DENND1A: variants seen among roughly 807,000 people sequenced by gnomAD.
DENND1A encodes DENN domain containing 1A.
DENND1A carries 51 observed loss-of-function variants against 113.7 expected under a neutral mutation model. The observed-to-expected ratio is 0.45, with a 90% confidence interval of 0.36 to 0.57. The LOEUF (loss-of-function observed/expected upper bound fraction) is 0.57, where lower values mean the gene tolerates loss of function less well. Ranked by LOEUF, DENND1A falls within the 20% of genes least tolerant of loss-of-function variation. The pLI is 0.00. For synonymous variants in DENND1A, 565 were observed against 570.8 expected (o/e 0.99, Z 0.14); for missense variants, 1,258 against 1,395.9 (o/e 0.90, Z 1.57).
chr9:123,458,800 G>A (rs552551569), intron 13 of DENND1A, among the ~76,000 whole-genome samples: 1 of 152,114 alleles, frequency 6.6e-6, no homozygotes, highest in African/African-American at 2.4e-5. Flanking sequence ...CGTCTCTACT[G>A]AAAATACAAA....
chr9:123,456,308 G>T (rs754291740), intron 15 of DENND1A, among the ~76,000 whole-genome samples: 1 of 152,174 alleles, frequency 6.6e-6, no homozygotes, highest in East Asian at 1.9e-4. Context: ...CCAGCAGCAT[G>T]GGTATTATTT....
At chr9:123,877,550 A>G (rs1181232404) in intron 2 of DENND1A, among the ~76,000 whole-genome samples, 2 of 151,636 alleles carry the variant, frequency 1.3e-5, no homozygotes, top group Admixed American at 6.6e-5. Context: ...CAGGCCGGGC[A>G]TGGTGGCTCA....
chr9:123,550,476 T>A (rs1485974562), intron 13 of DENND1A, among the ~76,000 whole-genome samples: 1 of 152,118 alleles, frequency 6.6e-6, no homozygotes, highest in Non-Finnish European at 1.5e-5. Flanking sequence ...TACCCATGGG[T>A]TTTGCTCTTT....
At chr9:123,589,662 A>C (rs918796487) in intron 11 of DENND1A, among the ~76,000 whole-genome samples, 13 of 151,494 alleles carry the variant, frequency 8.6e-5, no homozygotes, top group East Asian at 1.9e-4. Flanking sequence ...AAAAAAAAAA[A>C]AAAAAAAAAA....
At chr9:123,731,135 T>G (rs1236794247) in intron 5 of DENND1A, among the ~76,000 whole-genome samples, 1 of 152,104 alleles carries the variant, frequency 6.6e-6, no homozygotes, top group Non-Finnish European at 1.5e-5. Context: ...AGGAATAGCA[T>G]TAGGAGAAAT....
intron 5 of DENND1A, among the ~76,000 whole-genome samples, chr9:123,747,935 T>G (rs1441042439): frequency 1.3e-5 from 2 of 152,108 alleles, no homozygotes; most frequent in Non-Finnish European, 2.9e-5. Flanking sequence ...TTCTTCATTG[T>G]CAAGAATCAG....
chr9:123,846,153 T>C (rs538431184), intron 2 of DENND1A, among the ~76,000 whole-genome samples: 2 of 152,298 alleles, frequency 1.3e-5, no homozygotes, highest in African/African-American at 4.8e-5. Context: ...TGTCACTTCA[T>C]CCCCACTAGA....
intron 1 of DENND1A, among the ~76,000 whole-genome samples, chr9:123,901,228 A>C (rs1851567977): frequency 6.6e-6 from 1 of 152,204 alleles, no homozygotes; most frequent in Non-Finnish European, 1.5e-5. Context: ...GAGCCCAGTC[A>C]GGAGGAATTA....
chr9:123,552,072 C>T (rs1198915663), intron 13 of DENND1A, among the ~76,000 whole-genome samples: 2 of 75,266 alleles, frequency 2.7e-5, no homozygotes, highest in African/African-American at 8.1e-5. Flanking sequence ...AGAGAGAGGC[C>T]AAGGTGGTAA....
At chr9:123,755,114 TAC>T (rs1270719415) in intron 5 of DENND1A, among the ~76,000 whole-genome samples, 1 of 148,168 alleles carries the variant, frequency 6.7e-6, no homozygotes, top group Non-Finnish European at 1.5e-5. Context: ...GGTCCAGTTA[TAC>T]ACAGATTTTT....
At chr9:123,512,807 T>C (rs1007396336) in intron 13 of DENND1A, among the ~76,000 whole-genome samples, 3 of 152,136 alleles carry the variant, frequency 2.0e-5, no homozygotes, top group African/African-American at 7.2e-5. Context: ...TGGTAATGGT[T>C]GAAATTCCTC....
At chr9:123,713,097 G>C (rs1180346399) in intron 5 of DENND1A, among the ~76,000 whole-genome samples, 1 of 152,252 alleles carries the variant, frequency 6.6e-6, no homozygotes, top group East Asian at 1.9e-4. Flanking sequence ...AGAGAAGTAT[G>C]CAGAAAATCC....
At chr9:123,761,695 G>A (rs2071054676) in intron 4 of DENND1A, among the ~76,000 whole-genome samples, 1 of 152,130 alleles carries the variant, frequency 6.6e-6, no homozygotes, top group African/African-American at 2.4e-5. Context: ...AAAACCAGTA[G>A]GCTCTAAAAG....
intron 11 of DENND1A, among the ~76,000 whole-genome samples, chr9:123,595,316 T>C (rs1215298374): frequency 6.6e-6 from 1 of 152,160 alleles, no homozygotes; most frequent in Non-Finnish European, 1.5e-5. Context: ...GCTCTTCCTC[T>C]AATGGCCCCT....
intron 1 of DENND1A, among the ~76,000 whole-genome samples, chr9:123,922,809 A>G (rs1277238685): frequency 5.9e-5 from 9 of 152,338 alleles, no homozygotes; most frequent in African/African-American, 1.2e-4. Context: ...CACATTCTAA[A>G]TGTCATAACC....
chr9:123,488,813 C>T (rs1181019709), intron 13 of DENND1A, among the ~76,000 whole-genome samples: 1 of 152,128 alleles, frequency 6.6e-6, no homozygotes, highest in Non-Finnish European at 1.5e-5. Flanking sequence ...TCATGCGGTG[C>T]GCTTGAAAAC....
intron 21 of DENND1A, among the ~76,000 whole-genome samples, chr9:123,392,529 G>A (rs1257233673): frequency 6.6e-6 from 1 of 152,126 alleles, no homozygotes; most frequent in Non-Finnish European, 1.5e-5. Flanking sequence ...GACGAGCAGG[G>A]ACAGCCCCCA....
At chr9:123,929,231 G>A (rs1365312192) in intron 1 of DENND1A, among the ~76,000 whole-genome samples, 3 of 152,202 alleles carry the variant, frequency 2.0e-5, no homozygotes, top group African/African-American at 4.8e-5. Context: ...ATGAGTGAGG[G>A]AATTCGCCAG....
chr9:123,525,758 CTTTT>C (rs34055700), intron 13 of DENND1A, among the ~76,000 whole-genome samples: 1 of 129,824 alleles, frequency 7.7e-6, no homozygotes, highest in Non-Finnish European at 1.6e-5. Context: ...TGCAGTCTAC[CTTTT>C]TTTTTTTTTT....
Sources: allele counts gnomAD v4.1 joint callset (sites outside exome capture counted in the v4.1 genomes callset), GRCh38; gene constraint gnomAD v4.1.1; transcripts MANE v1.5; gene names NCBI Gene and HGNC (gene_info 2026-07-23, HGNC 2026-07-21).